HCCS: variants seen among roughly 807,000 people sequenced by gnomAD.
HCCS encodes holocytochrome c-type synthase.
Under a neutral mutation model 24.2 loss-of-function variants are expected in HCCS, and 2 were observed. That is an observed-to-expected ratio of 0.08 (90% CI 0.03 to 0.26). HCCS has a LOEUF of 0.26. Among genes scored for constraint, HCCS ranks in the 10% least tolerant of loss-of-function variants. The pLI is 1.00. For missense variants in HCCS, 150 were observed against 213.3 expected (o/e 0.70, Z 1.85); for synonymous variants, 73 against 76.2 (o/e 0.96, Z 0.22).
At chrX:11,118,095 A>G (rs2045462429) in intron 4 of HCCS, among the ~76,000 whole-genome samples, 1 of 112,480 alleles carries the variant, frequency 8.9e-6, no homozygotes, top group South Asian at 3.7e-4. Context: ...AAAATTAACC[A>G]TCACAGCTAG....
At chrX:11,117,204 G>A in intron 3 of HCCS, 63 bp from the exon 4 acceptor site, 1 of 960,733 alleles carries the variant, frequency 1.0e-6, no homozygotes, top group South Asian at 1.9e-5. Context: ...TTTCCAGGAA[G>A]TAGTTAATTA....
At chrX:11,120,304 T>TG (rs1383457662) in intron 5 of HCCS, among the ~76,000 whole-genome samples, 1 of 111,532 alleles carries the variant, frequency 9.0e-6, no homozygotes, top group Non-Finnish European at 1.9e-5. Flanking sequence ...TGCTATACCC[T>TG]GGTGCCTACA....
chrX:11,116,114 G>C (rs1164547554), intron 3 of HCCS: 2 of 112,744 alleles, frequency 1.8e-5, no homozygotes, highest in Non-Finnish European at 3.7e-5. Context: ...AACTGAAGCA[G>C]TGGGAGAGGA....
chrX:11,111,790 G>A (rs936835340), intron 1 of HCCS, among the ~76,000 whole-genome samples: 4 of 112,164 alleles, frequency 3.6e-5, no homozygotes, highest in African/African-American at 1.3e-4. Flanking sequence ...CCTCACCTCA[G>A]TCCCAAAATC....
At chrX:11,119,208 C>A (rs2045472479) in intron 5 of HCCS, among the ~76,000 whole-genome samples, 1 of 111,725 alleles carries the variant, frequency 9.0e-6, no homozygotes, top group Non-Finnish European at 1.9e-5. Flanking sequence ...ATGCCATCTG[C>A]CCCAAGGGAG....
intron 5 of HCCS, chrX:11,119,989 GTTTACC>G (rs749917403): frequency 6.1e-5 from 20 of 325,691 alleles, no homozygotes; most frequent in African/African-American, 3.2e-4. Context: ...CCTAGATTGA[GTTTACC>G]TTTTTGCCTG....
chrX:11,112,907 C>G (rs1414934227), intron 2 of HCCS, among the ~76,000 whole-genome samples: 1 of 112,406 alleles, frequency 8.9e-6, no homozygotes, highest in African/African-American at 3.2e-5. Context: ...CAGAACAGCC[C>G]CCCAACAAAG....
At chrX:11,119,637 T>C (rs1227391454) in intron 5 of HCCS, among the ~76,000 whole-genome samples, 1 of 112,680 alleles carries the variant, frequency 8.9e-6, no homozygotes, top group African/African-American at 3.2e-5. Flanking sequence ...TTGTTTGTTT[T>C]TAATATTTGC....
At chrX:11,117,528 A>AG in intron 4 of HCCS, 113 bp downstream of exon 4, 1 of 648,744 alleles carries the variant, frequency 1.5e-6, no homozygotes, top group African/African-American at 2.2e-5. Flanking sequence ...TGTATTAATC[A>AG]GTTTATAATC....
chrX:11,116,195 C>A (rs1250027841), intron 3 of HCCS: 1 of 112,589 alleles, frequency 8.9e-6, no homozygotes, highest in Non-Finnish European at 1.9e-5. Flanking sequence ...AGACCAGCCT[C>A]TTTTGGTCAC....
At chrX:11,113,977 C>G (rs981498878) in intron 2 of HCCS, among the ~76,000 whole-genome samples, 1 of 112,221 alleles carries the variant, frequency 8.9e-6, no homozygotes, top group Non-Finnish European at 1.9e-5. Flanking sequence ...GGCCAAGATT[C>G]CATTACATGA....
At chrX:11,121,276 T>G in intron 6 of HCCS, among the ~76,000 whole-genome samples, 1 of 112,921 alleles carries the variant, frequency 8.9e-6, no homozygotes, top group African/African-American at 3.2e-5. Flanking sequence ...GTTTATGCAC[T>G]TAGCCATCCT....
At chrX:11,117,229 T>G in intron 3 of HCCS, 38 bp from the exon 4 acceptor site, 1 of 1,163,561 alleles carries the variant, frequency 8.6e-7, no homozygotes, top group Non-Finnish European at 1.2e-6. Flanking sequence ...GCCTTTTACT[T>G]TATATCCTAT....
chrX:11,122,217 G>T lies in HCCS; in HGVS notation c.*407G>T. ...TGAGAGTCCATGGTGATGCTCAAGAGCTTTCATCTGGCCAAATATTTTAAC... is the reference window on the plus strand; with the variant it reads ...TGAGAGTCCATGGTGATGCTCAAGATCTTTCATCTGGCCAAATATTTTAAC... On this transcript the variant is annotated 3_prime_UTR_variant, in exon 7 of 7. Transcript: ENST00000380762. The T allele has an allele frequency of 7.5e-6, 1 of 133,567 alleles. No homozygotes were observed. The highest frequency in any genetic ancestry group is 2.3e-4 in the South Asian group (1 of 4,318). 11.0% of individuals were successfully genotyped at this position (133,567 alleles called of 1,213,427 possible). A position where few individuals can be genotyped will look rare whatever the true frequency, so the allele number is the denominator to read the frequency against.
At chrX:11,117,506 A>G (rs2045457696) in intron 4 of HCCS, 91 bp downstream of exon 4, 6 of 791,119 alleles carry the variant, frequency 7.6e-6, no homozygotes, top group African/African-American at 4.1e-5. Context: ...AAAACAATAT[A>G]GTACATTTTT....
rs754603090 is a variant in HCCS at position 11,112,125 on chromosome X, C to T, written c.65C>T (p.Pro22Leu). The T allele has an allele frequency of 1.7e-6, 2 of 1,205,229 alleles. No homozygotes were observed. The highest frequency in any genetic ancestry group is 3.5e-5 in the African/African-American group (2 of 57,254). The change falls in exon 2 of 7, where the codon CCT becomes CTT. Residue 22 changes from proline to leucine, a missense_variant. This residue lies in a region of HCCS where 95 missense variants were observed against 79.1 expected (regional missense o/e 1.20). Coordinates refer to ENST00000380762, the MANE Select transcript of HCCS (RefSeq NM_005333.5). ...VQASNASASP[P>L]SGCPMHEGKM... ...GCCTCAAATGCTTCAGCGTCCCCAC[C>T]TTCAGGATGCCCGATGCATGAAGGG...
chrX:11,117,483 A>AT, intron 4 of HCCS, 68 bp downstream of exon 4: 1 of 928,406 alleles, frequency 1.1e-6, no homozygotes. Flanking sequence ...TGCTAAAGAG[A>AT]TTTTTTACCT....
Position 11,113,310 on chromosome X carries a change from G to A in HCCS, c.100+1150G>A, listed in dbSNP as rs148700294. Among the ~76,000 whole-genome samples, 4 of 112,269 alleles carry A rather than the reference G, an allele frequency of 3.6e-5. No homozygotes were observed. The East Asian group carries it at 1.1e-3, about 31-fold the overall frequency. ...TGCTGGATTTTGTTTGTTTCTGCAC[G>A]AGAGAATAACATCATACAAAATGGA... On this transcript the variant is annotated intron_variant, in intron 2 of 6. Coordinates refer to ENST00000380762, the MANE Select transcript of HCCS (RefSeq NM_005333.5).
At chrX:11,117,940 C>T (rs2045461152) in intron 4 of HCCS, among the ~76,000 whole-genome samples, 1 of 111,388 alleles carries the variant, frequency 9.0e-6, no homozygotes, top group African/African-American at 3.3e-5. Context: ...TGTGACCCAC[C>T]CACACGGAGT....
Sources: allele counts gnomAD v4.1 joint callset (sites outside exome capture counted in the v4.1 genomes callset), GRCh38; gene constraint gnomAD v4.1.1; regional missense constraint gnomAD v4.1.1; transcripts MANE v1.5; gene names NCBI Gene and HGNC (gene_info 2026-07-23, HGNC 2026-07-21).